PRR27: variants seen among roughly 807,000 people sequenced by gnomAD.
PRR27 encodes the protein proline-rich protein 27.
PRR27 carries 12 observed loss-of-function variants against 16.8 expected under a neutral mutation model. That is an observed-to-expected ratio of 0.71 (90% confidence interval 0.46 to 1.16). The LOEUF is 1.16. PRR27 is among the 50% of genes most tolerant of loss of function. The pLI is 0.00. For synonymous variants in PRR27, 100 were observed against 98.4 expected, an observed-to-expected ratio of 1.02 and a Z score of -0.10; for missense variants, 277 against 273.3, an observed-to-expected ratio of 1.01 and a Z score of -0.10.
chr4:70,154,496 C>T (rs774026302), intron 1 of PRR27, 70 bp downstream of exon 1: 49 of 1,234,638 alleles, frequency 4.0e-5, no homozygotes, highest in Non-Finnish European at 5.1e-5. Context: ...GGCATTTGTG[C>T]TTATGATAAA....
At chr4:70,157,790 C>T (rs1269939679) in intron 2 of PRR27, among the ~76,000 whole-genome samples, 1 of 152,030 alleles carries the variant, frequency 6.6e-6, no homozygotes, top group African/African-American at 2.4e-5. Flanking sequence ...ATCTGCTCAC[C>T]CTCTTAATGA....
chr4:70,160,443 C>CTCTCTCTCTCTCTGTGTGTGTGTGTGTG (rs1298386504), intron 3 of PRR27, among the ~76,000 whole-genome samples: 20 of 68,692 alleles, frequency 2.9e-4, no homozygotes, highest in East Asian at 1.1e-3. Context: ...CTCTCTCTCT[C>CTCTCTCTCTCTCTGTGTGTGTGTGTGTG]TGTGTGTGTG....
rs1003722859 is a variant in PRR27, at chr4:70,166,045, GT to G, written c.*3388del. ...CTTAATATATAAAAGAGTTTTATGA[GT>G]TTTAAAAATGTATATAAACAAGACA... On this transcript the variant is annotated 3_prime_UTR_variant, in exon 5 of 5. Transcript: ENST00000344526. 1.3e-5 allele frequency: 2 copies of G among 151,904 alleles called. No individual in the cohort carries two copies. The highest frequency in any genetic ancestry group is 6.6e-5 in the Admixed American group (1 of 15,252). 9.4% of individuals were successfully genotyped at this position (151,904 alleles called of 1,614,324 possible).
rs527588905 is a variant in PRR27, at chr4:70,161,179, T to TATAC, written c.649-406_649-405insTACA. ...CTGTATATATATATATATATATATA[T>TATAC]ACACACATACATATATATACACGTA... is the stretch of plus-strand genomic sequence containing the variant. On this transcript the variant is annotated intron_variant, in intron 3 of 4. Transcript: ENST00000344526. Among the ~76,000 whole-genome samples the TATAC allele has an allele frequency of 8.8e-3, 946 of 107,678 alleles. 24 individuals carry two copies. The highest frequency in any genetic ancestry group is 0.032 in the South Asian group (108 of 3,424). 70.6% of individuals were successfully genotyped at this position (107,678 alleles called of 152,430 possible). A position where few individuals can be genotyped will look rare whatever the true frequency, so the allele number is the denominator to read the frequency against.
chr4:70,162,976 A>C lies in PRR27; in HGVS notation c.*315A>C, dbSNP rs1728680485. 6.6e-6 allele frequency: 1 copy of C among 152,202 alleles called. No homozygotes were observed. The highest frequency in any genetic ancestry group is 1.5e-5 in the Non-Finnish European group (1 of 68,038). 9.4% of individuals were successfully genotyped at this position (152,202 alleles called of 1,614,324 possible). On this transcript the variant is annotated 3_prime_UTR_variant, in exon 5 of 5. Transcript: ENST00000344526. ...CTGATTATACAGCTACTATAGGATG[A>C]TGTTAGTATTGGTTTTGAGTGCAAT... is the stretch of plus-strand genomic sequence containing the variant.
Position 70,158,864 on chromosome 4 carries a change from T to C in PRR27, c.612T>C (p.Ala204=). 1 of 1,613,730 alleles carries C rather than the reference T, an allele frequency of 6.2e-7. No individual in the cohort carries two copies. The highest frequency in any genetic ancestry group is 8.5e-7 in the Non-Finnish European group (1 of 1,179,908). Residue 204 remains alanine (A), a synonymous_variant, in exon 3 of 5, where the codon GCT becomes GCC. Transcript: ENST00000344526. ...CTGAGCCTGCTACAGCCAAGCCTGC[T>C]GCCCCAGAACCTCACCCTTCTCCCT... is the stretch of plus-strand genomic sequence containing the variant. ...SPAEPATAKP[A]APEPHPSPSL... is the part of the protein sequence containing the mutation.
chr4:70,155,551 G>A (rs894130155), intron 1 of PRR27, among the ~76,000 whole-genome samples: 1 of 152,068 alleles, frequency 6.6e-6, no homozygotes, highest in Non-Finnish European at 1.5e-5. Flanking sequence ...TGTATCTTTA[G>A]TAGAGACGGG....
At chr4:70,156,895 TA>T (rs780198942) in intron 2 of PRR27, among the ~76,000 whole-genome samples, 1 of 152,182 alleles carries the variant, frequency 6.6e-6, no homozygotes, top group Admixed American at 6.5e-5. Context: ...TCATTTTACT[TA>T]TTTTTTTATT....
At position 70,155,693 on chromosome 4, in the gene PRR27, GCACACACACA is replaced by G. The variant is rs72148610; in HGVS notation, c.52-347_52-338del. On this transcript the variant is annotated intron_variant, in intron 1 of 4. Coordinates refer to ENST00000344526, the MANE Select transcript of PRR27 (RefSeq NM_214711.4). ...AAAGGCCACACTTTAACACACAGAT[GCACACACACA>G]CACACACACACACCAGACAAAACCT... 3.6e-4 allele frequency among the ~76,000 whole-genome samples: 54 copies of G among 150,380 alleles called. 1 individual carries two copies. The South Asian group carries it at 0.011, about 30-fold the overall frequency.
chr4:70,159,795 T>A (rs748848778), intron 3 of PRR27, among the ~76,000 whole-genome samples: 19 of 152,320 alleles, frequency 1.2e-4, no homozygotes, highest in Admixed American at 2.0e-4. Context: ...TATCCAAGGC[T>A]AATTTTTCCT....
In PRR27 at chr4:70,163,999, C is replaced by A. The variant is rs1174573279; in HGVS notation, c.*1338C>A. ...ACTTCGGGGGTCTCATATAGAAATC[C>A]TGCTTCAGAATACTCTTCCCTGAGC... On this transcript the variant is annotated 3_prime_UTR_variant, in exon 5 of 5. Coordinates refer to ENST00000344526, the MANE Select transcript of PRR27 (RefSeq NM_214711.4). 1 of 151,922 alleles carries A rather than the reference C, an allele frequency of 6.6e-6. No homozygotes were observed. The highest frequency in any genetic ancestry group is 1.5e-5 in the Non-Finnish European group (1 of 68,016). 9.4% of individuals were successfully genotyped at this position (151,922 alleles called of 1,614,324 possible). A position where few individuals can be genotyped will look rare whatever the true frequency, so the allele number is the denominator to read the frequency against.
In PRR27 at chr4:70,166,534, C is replaced by T. The variant is rs1295831735; in HGVS notation, c.*3873C>T. On this transcript the variant is annotated 3_prime_UTR_variant, in exon 5 of 5. Coordinates refer to ENST00000344526, the MANE Select transcript of PRR27 (RefSeq NM_214711.4). ...TATATGAGTATGACACCAATAAGAA[C>T]ATTTTCTCTAACCATTTTGAATACG... The T allele has an allele frequency of 6.6e-6, 1 of 152,008 alleles. No homozygotes were observed. Among genetic ancestry groups the T allele is most frequent in the Non-Finnish European group, 1.5e-5 (1 of 67,944 alleles). 9.4% of individuals were successfully genotyped at this position (152,008 alleles called of 1,614,324 possible).
chr4:70,157,271 C>A (rs1294070601), intron 2 of PRR27, among the ~76,000 whole-genome samples: 3 of 151,958 alleles, frequency 2.0e-5, no homozygotes, highest in Non-Finnish European at 4.4e-5. Context: ...GAAACCTTGT[C>A]TGTTTTCCAG....
At chr4:70,157,740 C>T (rs961830864) in intron 2 of PRR27, among the ~76,000 whole-genome samples, 2 of 152,054 alleles carry the variant, frequency 1.3e-5, no homozygotes, top group Non-Finnish European at 2.9e-5. Context: ...AGGACGGTCT[C>T]GATCTCTTGA....
In PRR27 at chr4:70,158,626, C is replaced by T. The variant is rs750706549; in HGVS notation, c.374C>T (p.Ala125Val). ...SRFFSAAAAP[A>V]APPIAAEPAA... is the part of the protein sequence containing the mutation. ...TTTTTTTCAGCAGCTGCAGCACCCG[C>T]TGCCCCACCTATTGCAGCTGAGCCT... Residue 125 changes from alanine to valine, a missense_variant, in exon 3 of 5, where the codon GCT becomes GTT. Transcript: ENST00000344526. 1 of 1,614,038 alleles carries T rather than the reference C, an allele frequency of 6.2e-7. No individual in the cohort carries two copies.
chr4:70,158,544 C>T lies in PRR27; in HGVS notation c.292C>T (p.Gln98Ter). Residue 98 changes from glutamine (Q) to a stop codon, truncating the protein, a stop_gained, in exon 3 of 5, where the codon CAG becomes TAG. Transcript: ENST00000344526. LOFTEE classifies it high-confidence loss of function. Reference sequence around the variant, plus strand: ...CATCCGTGGTTTTCCCTTAGCTACTCAGTTGAATGTTCCTCCTCTCCCTCC... The same window carrying T: ...CATCCGTGGTTTTCCCTTAGCTACTTAGTTGAATGTTCCTCCTCTCCCTCC... ...YHIRGFPLAT[Q>*]LNVPPLPPRG... 6.2e-7 allele frequency: 1 copy of T among 1,614,124 alleles called. No homozygotes were observed. The highest frequency in any genetic ancestry group is 8.5e-7 in the Non-Finnish European group (1 of 1,180,002).
chr4:70,158,593 CT>C lies in PRR27; in HGVS notation c.343del (p.Ser115GlnfsTer30). 6.2e-7 allele frequency: 1 copy of C among 1,614,090 alleles called. No individual in the cohort carries two copies. The highest frequency in any genetic ancestry group is 8.5e-7 in the Non-Finnish European group (1 of 1,180,002). On this transcript the variant is annotated frameshift_variant, in exon 3 of 5. Coordinates refer to ENST00000344526, the MANE Select transcript of PRR27 (RefSeq NM_214711.4). LOFTEE classifies it high-confidence loss of function. Reference protein sequence around the residue: ...LPPRGFPFVPPSRFFSAAAAP... With the variant: ...LPPRGFPFVPXSRFFSAAAAP... ...CCTAGGGGTTTCCCGTTTGTCCCTC[CT>C]TCAAGGTTTTTTTCAGCAGCTGCAG...
At position 70,155,316 on chromosome 4, in the gene PRR27, C is replaced by A. The variant is rs147378262; in HGVS notation, c.52-738C>A. Among the ~76,000 whole-genome samples the A allele has an allele frequency of 7.4e-3, 1,120 of 150,530 alleles. 14 individuals are homozygous for A. The highest frequency in any genetic ancestry group is 0.026 in the African/African-American group (1,061 of 41,074). ...GAGAACAAATGGATCTATGGTCCTT[C>A]TGGTACTGTGAAGAGGTGGCAAAGA... On this transcript the variant is annotated intron_variant, in intron 1 of 4. Transcript: ENST00000344526.
intron 3 of PRR27, among the ~76,000 whole-genome samples, chr4:70,161,216 A>ACACG: frequency 2.3e-5 from 3 of 130,690 alleles, no homozygotes; most frequent in Admixed American, 7.3e-5. Context: ...ACATATATAT[A>ACACG]TATATATATA....
Sources: gnomAD v4.1 joint callset for allele counts (sites outside exome capture counted in the v4.1 genomes callset) on GRCh38, gnomAD v4.1.1 for gene constraint, MANE v1.5 for transcripts, NCBI Gene and HGNC (gene_info 2026-07-23, HGNC 2026-07-21) for gene names.